Variants in UBR3 observed in about 807,000 individuals in gnomAD.
UBR3 encodes the protein E3 ubiquitin-protein ligase UBR3.
In UBR3, 85 loss-of-function variants were observed where a neutral mutation model predicts 243.2. The ratio of observed to expected loss-of-function variants is 0.35; its 90% CI spans 0.29 to 0.42. The LOEUF (loss-of-function observed/expected upper bound fraction) is 0.42, where lower values mean the gene tolerates loss of function less well. UBR3 is among the 10% of genes least tolerant of loss of function. The pLI, the probability that UBR3 is intolerant of heterozygous loss-of-function variation, is 1.00. For missense variants in UBR3, 1,686 were observed against 2,300.8 expected (o/e 0.73, Z 5.47); for synonymous variants, 748 against 799.8 (o/e 0.94, Z 1.09).
intron 24 of UBR3, among the ~76,000 whole-genome samples, chr2:169,963,373 C>T (rs1021654436): frequency 1.3e-5 from 2 of 152,104 alleles, no homozygotes; most frequent in Non-Finnish European, 1.5e-5. Flanking sequence ...TATCTTTTCT[C>T]TGTCATCATG....
chr2:169,948,894 A>C (rs1034217614), intron 22 of UBR3, among the ~76,000 whole-genome samples: 1 of 151,962 alleles, frequency 6.6e-6, no homozygotes, highest in Non-Finnish European at 1.5e-5. Context: ...TGAATTATTG[A>C]GGAAAATACT....
At chr2:170,068,483 TGAAC>T (rs2091627036) in intron 35 of UBR3, among the ~76,000 whole-genome samples, 1 of 151,852 alleles carries the variant, frequency 6.6e-6, no homozygotes, top group African/African-American at 2.4e-5. Context: ...AATTAAAAAA[TGAAC>T]GAACGCATAA....
chr2:169,964,832 C>T (rs1182785773), intron 24 of UBR3: 1 of 456,360 alleles, frequency 2.2e-6, no homozygotes, highest in Non-Finnish European at 4.4e-6. Flanking sequence ...TTGGCAGTAG[C>T]CAGGGCACAG....
At chr2:169,996,397 A>G (rs2089477577) in intron 26 of UBR3, among the ~76,000 whole-genome samples, 1 of 152,214 alleles carries the variant, frequency 6.6e-6, no homozygotes, top group African/African-American at 2.4e-5. Context: ...TCATGCAGTA[A>G]TCACCAGGTT....
At chr2:169,852,704 A>AG (rs1559020847) in intron 1 of UBR3, among the ~76,000 whole-genome samples, 2 of 150,970 alleles carry the variant, frequency 1.3e-5, no homozygotes, top group African/African-American at 4.9e-5. Flanking sequence ...AAAAAAAAAA[A>AG]GCTGGGTGTG....
At chr2:170,014,384 T>A (rs2090175548) in intron 29 of UBR3, 1 of 151,038 alleles carries the variant, frequency 6.6e-6, no homozygotes, top group Non-Finnish European at 1.5e-5. Flanking sequence ...GGAGACAGTA[T>A]CTCACTATTA....
intron 32 of UBR3, among the ~76,000 whole-genome samples, chr2:170,051,231 TAATC>T (rs2091209718): frequency 1.3e-5 from 2 of 152,162 alleles, no homozygotes; most frequent in South Asian, 4.1e-4. Context: ...TAAATGATGA[TAATC>T]AAGACAGACA....
intron 31 of UBR3, among the ~76,000 whole-genome samples, chr2:170,035,084 G>A (rs2090788411): frequency 6.6e-6 from 1 of 151,784 alleles, no homozygotes; most frequent in Non-Finnish European, 1.5e-5. Flanking sequence ...TCCTTTATCA[G>A]ATGTGTCTTT....
At chr2:170,041,145 C>G (rs1253889274) in intron 32 of UBR3, among the ~76,000 whole-genome samples, 160 bp downstream of exon 32, 1 of 152,078 alleles carries the variant, frequency 6.6e-6, no homozygotes, top group Non-Finnish European at 1.5e-5. Context: ...GAGCTCGAGA[C>G]CAGCCTGGGC....
intron 19 of UBR3, among the ~76,000 whole-genome samples, chr2:169,936,929 C>T (rs1476352722): frequency 6.6e-6 from 1 of 152,166 alleles, no homozygotes; most frequent in Non-Finnish European, 1.5e-5. Context: ...CATTGTTGGA[C>T]ATTTGGGTTG....
chr2:169,933,085 T>C (rs1410284818), intron 19 of UBR3, 77 bp downstream of exon 19: 3 of 934,534 alleles, frequency 3.2e-6, no homozygotes, highest in East Asian at 6.1e-5. Context: ...AACACAGATA[T>C]GATATGCTCT....
At chr2:169,884,773 C>T (rs2084026299) in intron 5 of UBR3, among the ~76,000 whole-genome samples, 3 of 152,104 alleles carry the variant, frequency 2.0e-5, no homozygotes, top group Admixed American at 2.0e-4. Context: ...TAAGAAGTTC[C>T]ATCAACCCCT....
At position 169,926,843 on chromosome 2, in the gene UBR3, A is replaced by G. The variant is rs1372780285; in HGVS notation, c.2210A>G (p.Lys737Arg). 1.3e-6 allele frequency: 2 copies of G among 1,549,014 alleles called. No homozygotes were observed. Among genetic ancestry groups the G allele is most frequent in the South Asian group, 1.2e-5 (1 of 83,276 alleles). ...YFISSVFERF[K>R]VVDLLTMASQ... Reference sequence around the variant, plus strand: ...TCAAATATTTCTTCTTGTAGATTTAAGGTAGTGGATTTGTTGACAATGGCA... The same window carrying G: ...TCAAATATTTCTTCTTGTAGATTTAGGGTAGTGGATTTGTTGACAATGGCA... The change falls in exon 16 of 39, where the codon AAG becomes AGG. Residue 737 changes from lysine to arginine, a missense_variant. This residue lies in a region of UBR3 where 346 missense variants were observed against 585.8 expected (regional missense o/e 0.59). Transcript: ENST00000272793.
At position 170,083,749 on chromosome 2, in the gene UBR3, G is replaced by A. The variant is rs1040810777; in HGVS notation, c.*1906G>A. On this transcript the variant is annotated 3_prime_UTR_variant, in exon 39 of 39. Transcript: ENST00000272793. Reference sequence around the variant, plus strand: ...ATATTAGCCTTAACTTTAAAATTTGGGTGTTTGATAGTGTTTATTTTGATA... The same window carrying A: ...ATATTAGCCTTAACTTTAAAATTTGAGTGTTTGATAGTGTTTATTTTGATA... 16 of 152,424 alleles carry A rather than the reference G, an allele frequency of 1.0e-4. No individual in the cohort carries two copies. The highest frequency in any genetic ancestry group is 3.9e-4 in the African/African-American group (16 of 41,398). The allele number at this position is 152,424 out of a possible 1,614,324, so 9.4% of individuals were successfully genotyped here.
At chr2:169,970,240 T>G (rs1257469595) in intron 24 of UBR3, among the ~76,000 whole-genome samples, 1 of 149,744 alleles carries the variant, frequency 6.7e-6, no homozygotes, top group East Asian at 1.9e-4. Flanking sequence ...CCTAGGTTTT[T>G]TTTTTTTTTT....
chr2:169,872,364 A>C lies in UBR3; in HGVS notation c.674A>C (p.Tyr225Ser). The change falls in exon 2 of 39, where the codon TAT becomes TCT. Residue 225 changes from tyrosine (Y) to serine (S), a missense_variant. Coordinates refer to ENST00000272793, the MANE Select transcript of UBR3 (RefSeq NM_172070.4). ...FCLIQYLREG[Y>S]NEPAADGPSE... is the part of the protein sequence containing the mutation. Reference sequence around the variant, plus strand: ...CTTATTCAGTACTTAAGAGAAGGCTATAATGAACCAGGTATGTTTTAATCT... The same window carrying C: ...CTTATTCAGTACTTAAGAGAAGGCTCTAATGAACCAGGTATGTTTTAATCT... The C allele has an allele frequency of 6.8e-7, 1 of 1,471,658 alleles. No individual in the cohort carries two copies. The highest frequency in any genetic ancestry group is 9.2e-7 in the Non-Finnish European group (1 of 1,089,532). 91.2% of individuals were successfully genotyped at this position (1,471,658 alleles called of 1,614,324 possible).
intron 16 of UBR3, 118 bp from the exon 17 acceptor site, chr2:169,927,202 C>T (rs2085942473): frequency 1.9e-6 from 2 of 1,054,358 alleles, no homozygotes; most frequent in South Asian, 1.7e-5. Flanking sequence ...AGCTTCTTTA[C>T]TCTTTAATTT....
At chr2:169,970,269 T>A (rs1433300741) in intron 24 of UBR3, among the ~76,000 whole-genome samples, 1 of 143,556 alleles carries the variant, frequency 7.0e-6, no homozygotes, top group East Asian at 2.0e-4. Flanking sequence ...CTGTTGTGAG[T>A]TTTTTTCTTG....
At chr2:169,967,142 G>T (rs1023180150) in intron 24 of UBR3, among the ~76,000 whole-genome samples, 1 of 152,126 alleles carries the variant, frequency 6.6e-6, no homozygotes, top group East Asian at 1.9e-4. Flanking sequence ...AGGTTATACA[G>T]TAGTAAGTGT....
Sources: gnomAD v4.1 joint callset for allele counts (sites outside exome capture counted in the v4.1 genomes callset) on GRCh38, gnomAD v4.1.1 for gene constraint, gnomAD v4.1.1 regional missense constraint, MANE v1.5 for transcripts, NCBI Gene and HGNC (gene_info 2026-07-23, HGNC 2026-07-21) for gene names.